Variants in DRC3 observed in about 807,000 individuals in gnomAD.
DRC3 encodes leucine rich repeat containing 48.
In DRC3, 45 loss-of-function variants were observed where a neutral mutation model predicts 57.6. The ratio of observed to expected loss-of-function variants is 0.78; its 90% CI spans 0.62 to 1.00. The LOEUF (loss-of-function observed/expected upper bound fraction) is 1.00, where lower values mean the gene tolerates loss of function less well. DRC3 is among the 50% of genes least tolerant of loss of function. The probability of loss-of-function intolerance (pLI) is 0.00; values close to 1 mark genes in which losing one functional copy is unlikely to be tolerated. For missense variants in DRC3, 655 were observed against 675.2 expected (o/e 0.97, Z 0.33); for synonymous variants, 257 against 272.3 (o/e 0.94, Z 0.55).
intron 4 of DRC3, among the ~76,000 whole-genome samples, chr17:17,985,203 T>C (rs995121551): frequency 1.3e-5 from 2 of 152,200 alleles, no homozygotes; most frequent in African/African-American, 2.4e-5. Context: ...ACCTGAATAC[T>C]GGTCTTGGTT....
Position 18,016,739 on chromosome 17 carries a change from A to G in DRC3, c.*68A>G. 1 of 971,400 alleles carries G rather than the reference A, an allele frequency of 1.0e-6. No individual in the cohort carries two copies. The highest frequency in any genetic ancestry group is 1.6e-6 in the Non-Finnish European group (1 of 618,544). 60.2% of individuals were successfully genotyped at this position (971,400 alleles called of 1,614,324 possible). On this transcript the variant is annotated 3_prime_UTR_variant, in exon 14 of 14. Transcript: ENST00000399187. The stretch of plus-strand genomic sequence containing the variant: ...CCCCAGCCAGGAGAAGGAAGTGCAC[A>G]CGCCTCACCCGCACCTCTAGAGAGT...
At chr17:17,995,392 G>A (rs2043417226) in intron 8 of DRC3, among the ~76,000 whole-genome samples, 1 of 152,234 alleles carries the variant, frequency 6.6e-6, no homozygotes, top group South Asian at 2.1e-4. Context: ...TGGAGAAATG[G>A]ATTGAAATGT....
intron 12 of DRC3, among the ~76,000 whole-genome samples, chr17:18,014,313 A>G (rs192891202): frequency 4.9e-4 from 75 of 152,358 alleles, no homozygotes; most frequent in African/African-American, 1.7e-3. Flanking sequence ...CAACAGCTCA[A>G]AAAAGACTCA....
rs573925488 is a variant in DRC3 at position 18,004,228 on chromosome 17, A to G, written c.1000-135A>G. 7.8e-5 allele frequency: 74 copies of G among 944,330 alleles called. 2 individuals carry two copies. The South Asian group carries it at 1.1e-3, about 15-fold the overall frequency. The allele number at this position is 944,330 out of a possible 1,614,324, so 58.5% of individuals were successfully genotyped here. On this transcript the variant is annotated intron_variant, in intron 9 of 13. Coordinates refer to ENST00000399187, the MANE Select transcript of DRC3 (RefSeq NM_031294.4). ...GCTTCTACACGCTTTCAGAGCCAGC[A>G]AATGGCAAAGCTGAGACTTGCACTT...
intron 5 of DRC3, among the ~76,000 whole-genome samples, chr17:17,988,740 C>G (rs1405642212): frequency 6.6e-6 from 1 of 152,194 alleles, no homozygotes; most frequent in Non-Finnish European, 1.5e-5. Flanking sequence ...TTAGGTCAGT[C>G]AGGTGGCCTG....
chr17:18,013,604 TAAAAAC>T (rs2044245800), intron 12 of DRC3, among the ~76,000 whole-genome samples: 1 of 152,002 alleles, frequency 6.6e-6, no homozygotes, highest in African/African-American at 2.4e-5. Flanking sequence ...CTCATAGAAG[TAAAAAC>T]AAGAACAGAG....
At chr17:17,992,012 C>T (rs978859110) in intron 5 of DRC3, among the ~76,000 whole-genome samples, 13 of 152,176 alleles carry the variant, frequency 8.5e-5, no homozygotes, top group Admixed American at 6.5e-5. Context: ...CGGTGGCTCA[C>T]GCCTGTAATT....
At chr17:18,006,346 C>A in intron 11 of DRC3, 93 bp downstream of exon 11, 1 of 926,328 alleles carries the variant, frequency 1.1e-6, no homozygotes, top group Non-Finnish European at 1.7e-6. Flanking sequence ...TCCACAGGGT[C>A]TGAGGAGGTT....
At chr17:18,005,482 T>A (rs1239113279) in intron 10 of DRC3, 1 of 151,998 alleles carries the variant, frequency 6.6e-6, no homozygotes, top group African/African-American at 2.4e-5. Flanking sequence ...GGCCTGGAGA[T>A]CACATCTTCC....
rs1400133622 is a variant in DRC3 at position 18,016,067 on chromosome 17, T to G, written c.1330T>G (p.Phe444Val). The G allele has an allele frequency of 1.9e-6, 3 of 1,613,418 alleles. No homozygotes were observed. The highest frequency in any genetic ancestry group is 2.5e-6 in the Non-Finnish European group (3 of 1,179,378). ...TTGGATTCTTTTCACTCACCAGCTT[T>G]TTGTCGATAAAGATACGATTGTTAA... The part of the protein sequence containing the change: ...EDLPNDLRAL[F>V]VDKDTIVNAV... Residue 444 changes from phenylalanine (F) to valine (V), a missense_variant, in exon 13 of 14, where the codon TTT becomes GTT. Phe to Val is a conservative substitution (Grantham distance 50). Coordinates refer to ENST00000399187, the MANE Select transcript of DRC3 (RefSeq NM_031294.4).
At chr17:18,006,013 G>A in intron 10 of DRC3, 170 bp from the exon 11 acceptor site, 1 of 608,200 alleles carries the variant, frequency 1.6e-6, no homozygotes, top group Non-Finnish European at 3.0e-6. Context: ...CAACTTTAGA[G>A]AGAGCAGAGG....
At chr17:18,003,443 C>T (rs2145404938) in intron 9 of DRC3, among the ~76,000 whole-genome samples, 1 of 132,160 alleles carries the variant, frequency 7.6e-6, no homozygotes, top group East Asian at 2.6e-4. Context: ...GAGATCGTAC[C>T]ACTGCACTCC....
intron 2 of DRC3, among the ~76,000 whole-genome samples, chr17:17,977,252 A>G (rs1568447013): frequency 6.6e-6 from 1 of 152,188 alleles, no homozygotes; most frequent in Admixed American, 6.5e-5. Context: ...CAGAGGCCTG[A>G]CACAGGGCCA....
intron 12 of DRC3, among the ~76,000 whole-genome samples, chr17:18,009,356 CTG>C (rs2044091079): frequency 6.6e-6 from 1 of 152,122 alleles, no homozygotes; most frequent in South Asian, 2.1e-4. Flanking sequence ...TGAGCCATGA[CTG>C]TGCCACTGCA....
intron 13 of DRC3, 120 bp from the exon 14 acceptor site, chr17:18,016,438 G>C (rs972731449): frequency 2.4e-6 from 2 of 823,056 alleles, no homozygotes; most frequent in Admixed American, 2.6e-5. Context: ...GGGAGGCGCT[G>C]AAGCAAATGA....
At chr17:17,975,526 A>AC (rs991721936) in intron 2 of DRC3, among the ~76,000 whole-genome samples, 23 of 17,954 alleles carry the variant, frequency 1.3e-3, no homozygotes, top group African/African-American at 2.8e-3. Context: ...CCCCCCCCCC[A>AC]AAAAAAAGGC....
chr17:17,994,041 AC>A, intron 6 of DRC3: 1 of 405,662 alleles, frequency 2.5e-6, no homozygotes, highest in South Asian at 2.3e-5. Flanking sequence ...GGCCCCGGGA[AC>A]CCCAGCCTGC....
intron 10 of DRC3, 186 bp from the exon 11 acceptor site, chr17:18,005,997 G>A: frequency 1.7e-6 from 1 of 590,832 alleles, no homozygotes; most frequent in Non-Finnish European, 3.0e-6. Context: ...TATGGTTGGA[G>A]AACAACAACT....
In DRC3 at chr17:17,977,564, G is replaced by T. The variant is rs988456221; in HGVS notation, c.-17-18G>T. ...GAGAAAGAAGCAGGCCGTGAAGGAA[G>T]AATGCGGTGTTTTTTAGGGAAAACG... On this transcript the variant is annotated intron_variant, in intron 2 of 13. Coordinates refer to ENST00000399187, the MANE Select transcript of DRC3 (RefSeq NM_031294.4). 6.2e-7 allele frequency: 1 copy of T among 1,613,770 alleles called. No individual in the cohort carries two copies. Among genetic ancestry groups the T allele is most frequent in the African/African-American group, 1.3e-5 (1 of 75,038 alleles).
Sources: allele counts gnomAD v4.1 joint callset (sites outside exome capture counted in the v4.1 genomes callset), GRCh38; gene constraint gnomAD v4.1.1; transcripts MANE v1.5; gene names NCBI Gene and HGNC (gene_info 2026-07-23, HGNC 2026-07-21).